SEPTIN6: variants seen among roughly 807,000 people sequenced by gnomAD.
SEPTIN6 encodes the protein septin 6, also known as septin-6.
SEPTIN6 carries 8 observed loss-of-function variants against 33.6 expected under a neutral mutation model. That is an observed-to-expected ratio of 0.24 (90% confidence interval 0.14 to 0.43). The LOEUF is 0.43. SEPTIN6 is among the 20% of genes least tolerant of loss of function. SEPTIN6 has a pLI of 1.00. For synonymous variants in SEPTIN6, 131 were observed against 140.0 expected (o/e 0.94, Z 0.45); for missense variants, 250 against 340.8 (o/e 0.73, Z 2.10).
intron 8 of SEPTIN6, among the ~76,000 whole-genome samples, chrX:119,632,297 G>A (rs141498720): frequency 0.011 from 1,243 of 109,839 alleles, 20 homozygotes; most frequent in African/African-American, 0.039. Flanking sequence ...CCGGGTTCAC[G>A]CCATTCTCCT....
At chrX:119,679,808 C>T (rs894821177) in intron 1 of SEPTIN6, among the ~76,000 whole-genome samples, 3 of 111,414 alleles carry the variant, frequency 2.7e-5, no homozygotes, top group Non-Finnish European at 3.8e-5. Flanking sequence ...TGCAGTGAGC[C>T]GAGATTGCGC....
intron 2 of SEPTIN6, among the ~76,000 whole-genome samples, chrX:119,669,722 G>T (rs2054709352): frequency 8.9e-6 from 1 of 112,064 alleles, no homozygotes; most frequent in Middle Eastern, 4.6e-3. Context: ...ACGTTGACCA[G>T]CACACCACTG....
intron 2 of SEPTIN6, among the ~76,000 whole-genome samples, chrX:119,670,657 G>A (rs780403693): frequency 4.6e-5 from 5 of 108,266 alleles, no homozygotes; most frequent in African/African-American, 1.7e-4. Flanking sequence ...AAAAATTCTC[G>A]GCCGGACGCA....
intron 2 of SEPTIN6, among the ~76,000 whole-genome samples, chrX:119,667,482 G>A (rs1159446543): frequency 9.0e-6 from 1 of 111,287 alleles, no homozygotes; most frequent in Admixed American, 9.6e-5. Flanking sequence ...AGAACACCCG[G>A]GTGTCTAGGG....
chrX:119,657,111 C>T lies in SEPTIN6; in HGVS notation c.342-4071G>A, dbSNP rs759405246. Among the ~76,000 whole-genome samples, 9 of 104,248 alleles carry T rather than the reference C, an allele frequency of 8.6e-5. No homozygotes were observed. In the East Asian group the frequency reaches 1.8e-3, roughly 21 times the overall value. The allele number at this position is 104,248 out of a possible 115,157, so 90.5% of individuals were successfully genotyped here. A position where few individuals can be genotyped will look rare whatever the true frequency, so the allele number is the denominator to read the frequency against. ...GTAGGCACCTGTAGTCCCAGCTACT[C>T]GGGAGGCTGAGGCAGGAGAATTGCT... On this transcript the variant is annotated intron_variant, in intron 3 of 10. Coordinates refer to ENST00000394610, the MANE Select transcript of SEPTIN6 (RefSeq NM_145799.4).
chrX:119,641,300 C>T lies in SEPTIN6; in HGVS notation c.691-512G>A, dbSNP rs977824780. 1.3e-4 allele frequency among the ~76,000 whole-genome samples: 14 copies of T among 111,591 alleles called. No homozygotes were observed. The East Asian group carries it at 2.5e-3, about 20-fold the overall frequency. ...TACTCTCCTTGTTCTCATCCTTCCC[C>T]GGAGAAAGAGCTCACATTGAACTTG... On this transcript the variant is annotated intron_variant, in intron 5 of 10. Coordinates refer to ENST00000394610, the MANE Select transcript of SEPTIN6 (RefSeq NM_145799.4).
chrX:119,667,661 C>T (rs2054667101), intron 2 of SEPTIN6, among the ~76,000 whole-genome samples: 2 of 110,385 alleles, frequency 1.8e-5, no homozygotes, highest in Non-Finnish European at 3.8e-5. Flanking sequence ...CTGCCCCTCC[C>T]ACGGCTGCCC....
intron 2 of SEPTIN6, among the ~76,000 whole-genome samples, chrX:119,670,244 C>T (rs766009243): frequency 2.7e-5 from 3 of 111,283 alleles, no homozygotes; most frequent in Non-Finnish European, 5.7e-5. Flanking sequence ...TATGTTCACA[C>T]TCATGTGCCT....
intron 9 of SEPTIN6, 139 bp downstream of exon 9, chrX:119,629,179 A>G (rs1330682642): frequency 1.8e-6 from 1 of 551,124 alleles, no homozygotes; most frequent in Non-Finnish European, 3.0e-6. Flanking sequence ...GGGACCAGTT[A>G]TAGGTACCTC....
chrX:119,663,448 T>TGCCC, intron 3 of SEPTIN6, 34 bp downstream of exon 3: 7 of 751,136 alleles, frequency 9.3e-6, no homozygotes, highest in East Asian at 3.3e-5. Flanking sequence ...TCTACCAACC[T>TGCCC]CCCCACCCTA....
At chrX:119,643,161 C>T (rs781271658) in intron 5 of SEPTIN6, among the ~76,000 whole-genome samples, 2 of 110,587 alleles carry the variant, frequency 1.8e-5, no homozygotes, top group Non-Finnish European at 3.8e-5. Flanking sequence ...TAAGACATAT[C>T]GGGAGCCTCG....
chrX:119,652,823 C>A, intron 4 of SEPTIN6, 31 bp downstream of exon 4: 3 of 1,162,963 alleles, frequency 2.6e-6, no homozygotes, highest in South Asian at 3.7e-5. Context: ...TAAGAGTGAG[C>A]CCCCAGCGCC....
chrX:119,657,765 G>T (rs1478589464), intron 3 of SEPTIN6, among the ~76,000 whole-genome samples: 1 of 111,218 alleles, frequency 9.0e-6, no homozygotes, highest in Admixed American at 9.6e-5. Context: ...CTTCTACCTT[G>T]GCCCCACAAA....
chrX:119,677,349 G>A (rs2054858715), intron 1 of SEPTIN6, among the ~76,000 whole-genome samples: 1 of 112,454 alleles, frequency 8.9e-6, no homozygotes, highest in African/African-American at 3.2e-5. Flanking sequence ...GGGCCTGCGT[G>A]GAGCGTGGAC....
chrX:119,659,233 C>T (rs1250201346), intron 3 of SEPTIN6, among the ~76,000 whole-genome samples: 5 of 111,572 alleles, frequency 4.5e-5, no homozygotes, highest in African/African-American at 1.6e-4. Flanking sequence ...GTCCATTCTT[C>T]CCCTGCTGAC....
intron 2 of SEPTIN6, among the ~76,000 whole-genome samples, chrX:119,664,935 C>T (rs2054610361): frequency 9.2e-6 from 1 of 109,288 alleles, no homozygotes; most frequent in Admixed American, 9.8e-5. Flanking sequence ...GCCTAAACAG[C>T]CCTCTGGGGA....
At chrX:119,630,751 G>A (rs1182881769) in intron 8 of SEPTIN6, among the ~76,000 whole-genome samples, 1 of 110,600 alleles carries the variant, frequency 9.0e-6, no homozygotes, top group African/African-American at 3.3e-5. Flanking sequence ...AAATGAGCTG[G>A]GCGTGGTGAC....
intron 9 of SEPTIN6, among the ~76,000 whole-genome samples, chrX:119,626,256 G>A (rs1418677649): frequency 3.6e-5 from 4 of 111,965 alleles, no homozygotes; most frequent in African/African-American, 1.3e-4. Flanking sequence ...CCTGCCTGGG[G>A]TGGGAGAAGT....
chrX:119,671,311 G>A (rs1425134001), intron 2 of SEPTIN6, among the ~76,000 whole-genome samples: 6 of 104,360 alleles, frequency 5.7e-5, no homozygotes, highest in Non-Finnish European at 9.9e-5. Context: ...TTTTTGAGAC[G>A]GAATCTCACT....
Sources: gnomAD v4.1 joint callset for allele counts (sites outside exome capture counted in the v4.1 genomes callset) on GRCh38, gnomAD v4.1.1 for gene constraint, MANE v1.5 for transcripts, NCBI Gene and HGNC (gene_info 2026-07-23, HGNC 2026-07-21) for gene names.